The following SLC24A2 variants were observed in gnomAD, a reference collection of about 807,000 sequenced individuals.
SLC24A2 encodes solute carrier family 24 member 2.
Under a neutral mutation model 62.0 loss-of-function variants are expected in SLC24A2, and 36 were observed. The observed-to-expected ratio is 0.58, with a 90% CI of 0.44 to 0.77. SLC24A2 has a LOEUF of 0.77. Ranked by LOEUF, SLC24A2 falls within the 30% of genes least tolerant of loss-of-function variation. SLC24A2 has a pLI of 0.00. For missense variants in SLC24A2, 846 were observed against 817.9 expected (o/e 1.03, Z -0.42); for synonymous variants, 358 against 294.0 (o/e 1.22, Z -2.23).
chr9:20,276,677 C>T, the SLC24A2 span, among the ~76,000 whole-genome samples: 4 of 152,210 alleles, frequency 2.6e-5, no homozygotes, highest in African/African-American at 9.6e-5. Flanking sequence ...AGATGTTCTC[C>T]ATGAGGGCTC....
intron 2 of SLC24A2, among the ~76,000 whole-genome samples, chr9:19,683,165 A>G (rs978074004): frequency 6.6e-6 from 1 of 152,124 alleles, no homozygotes; most frequent in Admixed American, 6.6e-5. Context: ...ACTATTGAAC[A>G]CTTACTGTAT....
chr9:19,621,411 G>A (rs1817906019), intron 3 of SLC24A2, among the ~76,000 whole-genome samples: 1 of 152,158 alleles, frequency 6.6e-6, no homozygotes, highest in South Asian at 2.1e-4. Context: ...GAGCATTACA[G>A]GAGGAAGGAC....
At chr9:19,737,428 C>T (rs1202873444) in intron 2 of SLC24A2, among the ~76,000 whole-genome samples, 1 of 152,040 alleles carries the variant, frequency 6.6e-6, no homozygotes, top group Non-Finnish European at 1.5e-5. Context: ...ATGATGGTGT[C>T]ATAAAACAAA....
chr9:19,591,052 C>T (rs958365735), intron 5 of SLC24A2, among the ~76,000 whole-genome samples: 11 of 152,170 alleles, frequency 7.2e-5, no homozygotes, highest in African/African-American at 1.2e-4. Flanking sequence ...CCTTTTTTCC[C>T]GGACTCTAGA....
At chr9:19,893,174 G>T in the SLC24A2 span, among the ~76,000 whole-genome samples, 1 of 152,288 alleles carries the variant, frequency 6.6e-6, no homozygotes, top group African/African-American at 2.4e-5. Context: ...GTAGGGCAGG[G>T]AGTATTATCT....
At chr9:20,180,798 C>G in the SLC24A2 span, among the ~76,000 whole-genome samples, 1 of 152,164 alleles carries the variant, frequency 6.6e-6, no homozygotes, top group Non-Finnish European at 1.5e-5. Context: ...TTCCTTAACA[C>G]AGAAGAGAAG....
chr9:19,947,399 G>A, the SLC24A2 span, among the ~76,000 whole-genome samples: 1 of 150,292 alleles, frequency 6.7e-6, no homozygotes, highest in Non-Finnish European at 1.5e-5. Context: ...AAGAAAGAAG[G>A]GAAGGAAGGA....
the SLC24A2 span, among the ~76,000 whole-genome samples, chr9:20,081,291 T>G: frequency 6.6e-6 from 1 of 151,966 alleles, no homozygotes; most frequent in Non-Finnish European, 1.5e-5. Flanking sequence ...TGGAATACTA[T>G]GCAGCCATAA....
chr9:19,511,643 T>TA lies in SLC24A2; in HGVS notation c.*4509dup, dbSNP rs1016684408. 6.6e-6 allele frequency: 1 copy of TA among 152,166 alleles called. No homozygotes were observed. Among genetic ancestry groups the TA allele is most frequent in the African/African-American group, 2.4e-5 (1 of 41,422 alleles). 9.4% of individuals were successfully genotyped at this position (152,166 alleles called of 1,614,324 possible). A position where few individuals can be genotyped will look rare whatever the true frequency, so the allele number is the denominator to read the frequency against. On this transcript the variant is annotated 3_prime_UTR_variant, in exon 11 of 11. Transcript: ENST00000341998. ...GTATAGGGGTTGAGGAGGTATCTTT[T>TA]AAAAATATTAAGCCGGATCGTTAAG...
At chr9:19,735,743 C>A (rs1587242815) in intron 2 of SLC24A2, among the ~76,000 whole-genome samples, 1 of 151,376 alleles carries the variant, frequency 6.6e-6, no homozygotes, top group East Asian at 2.0e-4. Context: ...TCATTCTCAG[C>A]AAACTATCGC....
At chr9:19,769,852 C>A (rs1328215553) in intron 2 of SLC24A2, among the ~76,000 whole-genome samples, 1 of 152,032 alleles carries the variant, frequency 6.6e-6, no homozygotes, top group African/African-American at 2.4e-5. Flanking sequence ...ACAGGTCTGT[C>A]TACACTTGTG....
At chr9:19,859,510 AT>A in the SLC24A2 span, among the ~76,000 whole-genome samples, 2 of 152,182 alleles carry the variant, frequency 1.3e-5, no homozygotes, top group African/African-American at 2.4e-5. Flanking sequence ...AATGTTAAAA[AT>A]AAAAGATGAG....
chr9:19,772,269 G>T (rs1026938116), intron 2 of SLC24A2, among the ~76,000 whole-genome samples: 1 of 152,062 alleles, frequency 6.6e-6, no homozygotes, highest in Non-Finnish European at 1.5e-5. Flanking sequence ...TAGCTTCAGG[G>T]GAACAATCTT....
At chr9:20,175,689 G>GTTTTAA in the SLC24A2 span, among the ~76,000 whole-genome samples, 1 of 151,916 alleles carries the variant, frequency 6.6e-6, no homozygotes, top group African/African-American at 2.4e-5. Context: ...TAAAACCTTA[G>GTTTTAA]TATTTTAGGA....
the SLC24A2 span, among the ~76,000 whole-genome samples, chr9:20,089,710 C>T: frequency 6.6e-6 from 1 of 150,680 alleles, no homozygotes; most frequent in Non-Finnish European, 1.5e-5. Flanking sequence ...CCACCACTGC[C>T]ACAGTAGCAG....
chr9:19,889,168 C>G, the SLC24A2 span, among the ~76,000 whole-genome samples: 3 of 152,140 alleles, frequency 2.0e-5, no homozygotes, highest in South Asian at 6.2e-4. Flanking sequence ...CAAAGTTCTC[C>G]TGGGAACATC....
At chr9:19,706,994 T>C (rs866624623) in intron 2 of SLC24A2, among the ~76,000 whole-genome samples, 18 of 151,628 alleles carry the variant, frequency 1.2e-4, no homozygotes, top group South Asian at 2.1e-4. Flanking sequence ...ATCAACAAAA[T>C]TGATAGACCG....
the SLC24A2 span, among the ~76,000 whole-genome samples, chr9:20,087,495 C>A: frequency 6.6e-6 from 1 of 152,152 alleles, no homozygotes; most frequent in East Asian, 1.9e-4. Context: ...TTGTGTAAAT[C>A]TGCTCTCAAA....
chr9:20,022,875 T>C, the SLC24A2 span, among the ~76,000 whole-genome samples: 10 of 152,234 alleles, frequency 6.6e-5, no homozygotes, highest in African/African-American at 1.2e-4. Flanking sequence ...ATATCTGCTA[T>C]GTGGGAGGCA....
Sources: allele counts gnomAD v4.1 joint callset (sites outside exome capture counted in the v4.1 genomes callset), GRCh38; gene constraint gnomAD v4.1.1; transcripts MANE v1.5; gene names NCBI Gene and HGNC (gene_info 2026-07-23, HGNC 2026-07-21).